Variants in NR1D1 observed in about 807,000 individuals in gnomAD.
NR1D1 encodes the protein Rev-ErbAalpha.
NR1D1 carries 17 observed loss-of-function variants against 51.1 expected under a neutral mutation model. The ratio of observed to expected loss-of-function variants is 0.33; its 90% CI spans 0.23 to 0.50. The LOEUF (loss-of-function observed/expected upper bound fraction) is 0.50. NR1D1 is among the 20% of genes least tolerant of loss of function. NR1D1 has a pLI of 0.98. For synonymous variants in NR1D1, 341 were observed against 333.4 expected (o/e 1.02, Z -0.25); for missense variants, 647 against 830.4 (o/e 0.78, Z 2.71).
intron 6 of NR1D1, 60 bp from the exon 7 acceptor site, chr17:40,094,182 C>T: frequency 1.3e-6 from 2 of 1,515,532 alleles, no homozygotes; most frequent in Non-Finnish European, 1.8e-6. Flanking sequence ...ACCAAATCGC[C>T]CCTGTAGTTT....
At chr17:40,097,555 C>G in intron 1 of NR1D1, 152 bp from the exon 2 acceptor site, 2 of 668,278 alleles carry the variant, frequency 3.0e-6, no homozygotes, top group Non-Finnish European at 5.2e-6. Flanking sequence ...TAAGCAATTC[C>G]CCAACACACA....
Position 40,100,282 on chromosome 17 carries a change from A to T in NR1D1, c.-188T>A. 1 of 634,276 alleles carries T rather than the reference A, an allele frequency of 1.6e-6. No homozygotes were observed. Among genetic ancestry groups the T allele is most frequent in the Admixed American group, 2.6e-5 (1 of 38,108 alleles). 39.3% of individuals were successfully genotyped at this position (634,276 alleles called of 1,614,324 possible). On this transcript the variant is annotated 5_prime_UTR_variant, in exon 1 of 8. Transcript: ENST00000246672. The stretch of plus-strand genomic sequence containing the variant: ...GACTGCAGCCCTGCAGAAGGGTTGG[A>T]CGTTGAGGCAACGGAGTTCTGCTTT...
At chr17:40,097,618 G>C (rs1987791286) in intron 1 of NR1D1, among the ~76,000 whole-genome samples, 1 of 152,184 alleles carries the variant, frequency 6.6e-6, no homozygotes, top group African/African-American at 2.4e-5. Flanking sequence ...GCCACCTTCA[G>C]CTTCTGCTTT....
intron 1 of NR1D1, among the ~76,000 whole-genome samples, chr17:40,097,843 T>C (rs1987795157): frequency 6.6e-6 from 1 of 152,136 alleles, no homozygotes; most frequent in Non-Finnish European, 1.5e-5. Context: ...AATGAGACCA[T>C]GGACCATGGA....
In NR1D1 at chr17:40,096,082, G is replaced by A. The variant is rs766382484; in HGVS notation, c.610C>T (p.Arg204Cys). ...TCTCGTTTGGGGATGCGCCCAAAAC[G>A]CACAGCTGCAACAGGATGAGAACAG... is the stretch of plus-strand genomic sequence containing the variant. ...LSVGMSRDAV[R>C]FGRIPKREKQ... The change falls in exon 5 of 8, where the codon CGT (arginine) becomes TGT (cysteine). Residue 204 changes from arginine to cysteine, a missense_variant. Physicochemically the swap from Arg to Cys is radical, Grantham distance 180. Transcript: ENST00000246672. The A allele has an allele frequency of 2.5e-6, 4 of 1,612,146 alleles. No individual in the cohort carries two copies. The highest frequency in any genetic ancestry group is 1.1e-5 in the South Asian group (1 of 91,000).
At chr17:40,094,882 GC>G in intron 6 of NR1D1, 52 bp downstream of exon 6, 1 of 1,577,398 alleles carries the variant, frequency 6.3e-7, no homozygotes, top group Non-Finnish European at 8.7e-7. Flanking sequence ...TGGGCGACAA[GC>G]GAAACTCTGT....
At chr17:40,098,237 T>G (rs1363708788) in intron 1 of NR1D1, among the ~76,000 whole-genome samples, 3 of 152,164 alleles carry the variant, frequency 2.0e-5, no homozygotes, top group African/African-American at 7.2e-5. Flanking sequence ...CTGCCACACC[T>G]CCGGCAAGCA....
chr17:40,099,331 C>T (rs923113047), intron 1 of NR1D1, among the ~76,000 whole-genome samples: 1 of 152,220 alleles, frequency 6.6e-6, no homozygotes, highest in Admixed American at 6.5e-5. Context: ...GAAGGGAACA[C>T]GCGTTGCCGG....
intron 4 of NR1D1, 115 bp from the exon 5 acceptor site, chr17:40,096,202 T>C (rs1196400608): frequency 6.9e-7 from 1 of 1,446,154 alleles, no homozygotes. Context: ...ACATCAAAAC[T>C]AAAACCAGCA....
At chr17:40,094,263 G>T (rs773978813) in intron 6 of NR1D1, 141 bp from the exon 7 acceptor site, 1 of 709,172 alleles carries the variant, frequency 1.4e-6, no homozygotes, top group Non-Finnish European at 2.5e-6. Context: ...GGCCAATGAG[G>T]GAGCCCAGGT....
rs1305833158 is a variant in NR1D1, at chr17:40,100,116, T to C, written c.-22A>G. The C allele has an allele frequency of 1.2e-6, 2 of 1,600,410 alleles. No homozygotes were observed. The highest frequency in any genetic ancestry group is 2.2e-5 in the South Asian group (2 of 90,746). The stretch of plus-strand genomic sequence containing the variant: ...TCATGTCTTCACCAGCTGAGAGCGG[T>C]CATTCAAACTGGACCTTGACTCAAA... On this transcript the variant is annotated 5_prime_UTR_variant, in exon 1 of 8. Transcript: ENST00000246672.
intron 1 of NR1D1, among the ~76,000 whole-genome samples, chr17:40,099,102 G>A (rs1779565185): frequency 6.6e-6 from 1 of 152,016 alleles, no homozygotes; most frequent in African/African-American, 2.4e-5. Flanking sequence ...GGGCGGGGCA[G>A]GGCGGGAGCT....
In NR1D1 at chr17:40,100,562, C is replaced by T. The variant is rs1053841417; in HGVS notation, c.-468G>A. 2.3e-6 allele frequency: 1 copy of T among 427,026 alleles called. No individual in the cohort carries two copies. Among genetic ancestry groups the T allele is most frequent in the East Asian group, 3.5e-5 (1 of 28,942 alleles). The allele number at this position is 427,026 out of a possible 1,614,324, so 26.5% of individuals were successfully genotyped here. On this transcript the variant is annotated 5_prime_UTR_variant, in exon 1 of 8. Transcript: ENST00000246672. ...AAGAGGCGAGACGTGTGCCCTGCTA[C>T]GTTCCCTCGGCAGTAATATTTCACT...
At position 40,096,717 on chromosome 17, in the gene NR1D1, C is replaced by T. The variant is rs1310960095; in HGVS notation, c.433G>A (p.Gly145Ser). The change falls in exon 3 of 8, where the codon GGT becomes AGT. Residue 145 changes from glycine to serine, a missense_variant. Transcript: ENST00000246672. ...CGDVASGFHY[G>S]VHACEGCKGF... ...TTGCAGCCCTCGCAGGCGTGCACAC[C>T]GTAGTGGAAGCCCGAGGCAACGTCC... The T allele has an allele frequency of 3.7e-6, 6 of 1,614,072 alleles. No individual in the cohort carries two copies. The highest frequency in any genetic ancestry group is 1.7e-5 in the Admixed American group (1 of 60,012).
Position 40,100,250 on chromosome 17 carries a change from G to C in NR1D1, c.-156C>G, listed in dbSNP as rs1450744192. On this transcript the variant is annotated 5_prime_UTR_variant, in exon 1 of 8. Transcript: ENST00000246672. ...AAGCACCCTGCAGCAAGGTCTTGGG[G>C]TGGCCGGACTGCAGCCCTGCAGAAG... 8.8e-6 allele frequency: 6 copies of C among 685,692 alleles called. No individual in the cohort carries two copies. The highest frequency in any genetic ancestry group is 1.6e-5 in the Non-Finnish European group (6 of 374,266). 42.5% of individuals were successfully genotyped at this position (685,692 alleles called of 1,614,324 possible).
chr17:40,097,034 C>A (rs1987777056), intron 2 of NR1D1, 31 bp downstream of exon 2: 1 of 1,556,774 alleles, frequency 6.4e-7, no homozygotes. Flanking sequence ...GCCTGCTTCC[C>A]TTCCCCCGAA....
rs1987776388 is a variant in NR1D1 at position 40,096,988 on chromosome 17, G to A, written c.370+77C>T. 10 of 1,380,996 alleles carry A rather than the reference G, an allele frequency of 7.2e-6. No individual in the cohort carries two copies. The South Asian group carries it at 1.2e-4, about 16-fold the overall frequency. 85.5% of individuals were successfully genotyped at this position (1,380,996 alleles called of 1,614,324 possible). On this transcript the variant is annotated intron_variant, in intron 2 of 7. Transcript: ENST00000246672. ...AGCCAGAATAGGTCCTGGCAAGACT[G>A]GTGTCACGTAAAAACCCATTCCCAA... is the stretch of plus-strand genomic sequence containing the variant.
intron 1 of NR1D1, among the ~76,000 whole-genome samples, chr17:40,098,572 G>A (rs1365552185): frequency 2.0e-5 from 3 of 152,204 alleles, no homozygotes; most frequent in Non-Finnish European, 4.4e-5. Flanking sequence ...GGCTTCCAAC[G>A]TGGAAGTGAG....
Position 40,093,045 on chromosome 17 carries a change from T to C in NR1D1, c.*38A>G. ...GAGAGAGAAGTGCAGAGTTCGATTCTGTACAAGGGGGCAGCGGCAGAAGGC... is the reference window on the plus strand; with the variant it reads ...GAGAGAGAAGTGCAGAGTTCGATTCCGTACAAGGGGGCAGCGGCAGAAGGC... On this transcript the variant is annotated 3_prime_UTR_variant, in exon 8 of 8. Transcript: ENST00000246672. This position sits in a 1 kb window ranked among gnomAD's most constrained non-coding sequence, Gnocchi z 5.9. 2 of 1,614,108 alleles carry C rather than the reference T, an allele frequency of 1.2e-6. No homozygotes were observed. The highest frequency in any genetic ancestry group is 1.7e-6 in the Non-Finnish European group (2 of 1,179,992).
Sources: allele counts gnomAD v4.1 joint callset (sites outside exome capture counted in the v4.1 genomes callset), GRCh38; gene constraint gnomAD v4.1.1; non-coding constraint Gnocchi (gnomAD v3.1); transcripts MANE v1.5; gene names NCBI Gene and HGNC (gene_info 2026-07-23, HGNC 2026-07-21).